Variants in PCCA observed in about 807,000 individuals in gnomAD.
PCCA encodes propionyl-CoA carboxylase alpha chain, mitochondrial.
A neutral mutation model predicts 101.3 loss-of-function variants in PCCA; 74 were observed. The ratio of observed to expected loss-of-function variants is 0.73; its 90% CI spans 0.61 to 0.89. PCCA has a LOEUF of 0.89. Ranked by LOEUF, PCCA falls within the 40% of genes least tolerant of loss-of-function variation. The pLI, the probability that PCCA is intolerant of heterozygous loss-of-function variation, is 0.00. For synonymous variants in PCCA, 294 were observed against 313.6 expected (o/e 0.94, Z 0.66); for missense variants, 891 against 907.0 (o/e 0.98, Z 0.23).
At chr13:100,153,087 A>G (rs1056044967) in intron 4 of PCCA, among the ~76,000 whole-genome samples, 3 of 152,186 alleles carry the variant, frequency 2.0e-5, no homozygotes, top group African/African-American at 4.8e-5. Flanking sequence ...AAAAAATAAT[A>G]AAAGTTGCAA....
chr13:100,528,200 C>T (rs1484682651), intron 23 of PCCA, among the ~76,000 whole-genome samples: 2 of 152,194 alleles, frequency 1.3e-5, no homozygotes, highest in Non-Finnish European at 2.9e-5. Flanking sequence ...ACCCCATGTA[C>T]ATGTGGGACT....
intron 6 of PCCA, among the ~76,000 whole-genome samples, chr13:100,203,636 T>C (rs139095947): frequency 0.015 from 2,340 of 152,246 alleles, 65 homozygotes; most frequent in African/African-American, 0.053. Flanking sequence ...GAGATTGCAA[T>C]GAGCCAGGAT....
intron 20 of PCCA, among the ~76,000 whole-genome samples, chr13:100,432,657 A>T (rs2079637485): frequency 6.6e-6 from 1 of 152,188 alleles, no homozygotes; most frequent in Non-Finnish European, 1.5e-5. Context: ...TAGAATATTA[A>T]TGTGTCCTCA....
chr13:100,481,275 C>T (rs2083902553), intron 21 of PCCA: 1 of 152,194 alleles, frequency 6.6e-6, no homozygotes, highest in Non-Finnish European at 1.5e-5. Context: ...ATAATAGTTC[C>T]TGCCAGGCAC....
At chr13:100,264,275 G>GTA (rs1196255691) in intron 10 of PCCA, among the ~76,000 whole-genome samples, 19 of 150,244 alleles carry the variant, frequency 1.3e-4, no homozygotes, top group East Asian at 3.9e-4. Context: ...TCATATATAT[G>GTA]TATATATATA....
intron 10 of PCCA, among the ~76,000 whole-genome samples, chr13:100,263,572 A>C (rs561919382): frequency 6.6e-6 from 1 of 152,282 alleles, no homozygotes; most frequent in East Asian, 1.9e-4. Flanking sequence ...TTTAATGGTC[A>C]CTTTCATAGA....
At chr13:100,372,896 C>T (rs2075658915) in intron 19 of PCCA, among the ~76,000 whole-genome samples, 2 of 152,068 alleles carry the variant, frequency 1.3e-5, no homozygotes, top group Admixed American at 6.6e-5. Context: ...CATGCCACCA[C>T]ACTTGGCTAA....
At chr13:100,217,599 T>C (rs1257236302) in intron 7 of PCCA, among the ~76,000 whole-genome samples, 1 of 151,794 alleles carries the variant, frequency 6.6e-6, no homozygotes, top group Non-Finnish European at 1.5e-5. Context: ...CTGAGTGATA[T>C]TCAGTTGTAT....
intron 16 of PCCA, among the ~76,000 whole-genome samples, chr13:100,329,118 A>G (rs777646792): frequency 1.3e-5 from 2 of 151,050 alleles, no homozygotes; most frequent in Non-Finnish European, 1.5e-5. Context: ...GCTGTTTGAT[A>G]TTGGAATACA....
chr13:100,462,687 T>C (rs2082251147), intron 21 of PCCA, among the ~76,000 whole-genome samples: 6 of 152,206 alleles, frequency 3.9e-5, no homozygotes. Context: ...TTATTAGACA[T>C]TACTTTTTGA....
chr13:100,202,647 T>C (rs2058598617), intron 6 of PCCA, among the ~76,000 whole-genome samples: 1 of 151,634 alleles, frequency 6.6e-6, no homozygotes, highest in Admixed American at 6.6e-5. Flanking sequence ...TTTGCTCTTT[T>C]TTTTGCTTTG....
chr13:100,402,519 T>G (rs547984936), intron 19 of PCCA, among the ~76,000 whole-genome samples: 49 of 152,360 alleles, frequency 3.2e-4, no homozygotes, highest in African/African-American at 1.2e-3. Context: ...ATCAGGGCAC[T>G]GTGCTGAGTT....
intron 8 of PCCA, among the ~76,000 whole-genome samples, chr13:100,252,650 C>T (rs1330806537): frequency 6.6e-6 from 1 of 152,150 alleles, no homozygotes; most frequent in East Asian, 1.9e-4. Flanking sequence ...GTAAATGTGA[C>T]ATTATCAGTT....
chr13:100,114,542 G>T (rs776004333), intron 4 of PCCA, among the ~76,000 whole-genome samples: 1 of 152,194 alleles, frequency 6.6e-6, no homozygotes, highest in Non-Finnish European at 1.5e-5. Flanking sequence ...AGGTTGCTGT[G>T]AGCCAAGATC....
At chr13:100,495,447 C>G (rs1412312536) in intron 21 of PCCA, among the ~76,000 whole-genome samples, 2 of 152,138 alleles carry the variant, frequency 1.3e-5, no homozygotes, top group Admixed American at 6.5e-5. Context: ...TTTTTGTTAA[C>G]TTGTAGTTAT....
intron 21 of PCCA, among the ~76,000 whole-genome samples, chr13:100,471,230 C>T (rs557535530): frequency 1.1e-4 from 16 of 152,256 alleles, no homozygotes; most frequent in African/African-American, 3.8e-4. Context: ...GTGGAGCAGT[C>T]AGAACACACA....
intron 21 of PCCA, among the ~76,000 whole-genome samples, chr13:100,497,679 C>G (rs182406818): frequency 6.6e-6 from 1 of 152,036 alleles, no homozygotes; most frequent in East Asian, 1.9e-4. Context: ...ATGCTGTCAG[C>G]AAGAAAAGGA....
At chr13:100,135,599 C>T (rs1315667467) in intron 4 of PCCA, among the ~76,000 whole-genome samples, 1 of 152,022 alleles carries the variant, frequency 6.6e-6, no homozygotes, top group Admixed American at 6.6e-5. Flanking sequence ...ATCATGTTGT[C>T]TGTGAACAGA....
At chr13:100,136,487 TAAA>T (rs2051186919) in intron 4 of PCCA, among the ~76,000 whole-genome samples, 1 of 152,126 alleles carries the variant, frequency 6.6e-6, no homozygotes, top group African/African-American at 2.4e-5. Flanking sequence ...GCCCGGCCTA[TAAA>T]ATTGTTCAGA....
Sources: allele counts gnomAD v4.1 joint callset (sites outside exome capture counted in the v4.1 genomes callset), GRCh38; gene constraint gnomAD v4.1.1; transcripts MANE v1.5; gene names NCBI Gene and HGNC (gene_info 2026-07-23, HGNC 2026-07-21).